Variants in NUCB2 observed in about 807,000 individuals in gnomAD.
NUCB2 encodes nucleobindin 2.
Under a neutral mutation model 57.9 loss-of-function variants are expected in NUCB2, and 48 were observed. That is an observed-to-expected ratio of 0.83 (90% CI 0.66 to 1.05). The LOEUF (loss-of-function observed/expected upper bound fraction) is 1.05. Ranked by LOEUF, NUCB2 falls within the 50% of genes least tolerant of loss-of-function variation. The pLI, the probability that NUCB2 is intolerant of heterozygous loss-of-function variation, is 0.00. For missense variants in NUCB2, 442 were observed against 476.2 expected (o/e 0.93, Z 0.67); for synonymous variants, 139 against 152.1 (o/e 0.91, Z 0.64).
intron 2 of NUCB2, among the ~76,000 whole-genome samples, chr11:17,288,950 C>CACACACACAA (rs1944414979): frequency 3.0e-5 from 1 of 33,162 alleles, no homozygotes. Flanking sequence ...CACACACACA[C>CACACACACAA]ATATATATAT....
intron 4 of NUCB2, among the ~76,000 whole-genome samples, chr11:17,298,216 C>T (rs1946152413): frequency 6.6e-6 from 1 of 150,902 alleles, no homozygotes; most frequent in African/African-American, 2.4e-5. Flanking sequence ...CCTGTCACTA[C>T]AAAAAATTAA....
chr11:17,346,356 C>A (rs548377403), intron 2 of NUCB2, among the ~76,000 whole-genome samples: 14 of 152,252 alleles, frequency 9.2e-5, no homozygotes, highest in African/African-American at 3.4e-4. Flanking sequence ...AATATGCAGA[C>A]AAGTTTGGGA....
At chr11:17,336,884 A>G (rs1431217115), downstream of NUCB2, among the ~76,000 whole-genome samples, 1 of 151,910 alleles carries the variant, frequency 6.6e-6, no homozygotes, top group Non-Finnish European at 1.5e-5. Flanking sequence ...ATAAGATTAA[A>G]TGCAAATCTT....
rs1213373664 is a variant in NUCB2, at chr11:17,301,792, A to T, written c.301A>T (p.Thr101Ser). Residue 101 changes from threonine (T) to serine (S), a missense_variant, in exon 5 of 14, where the codon ACA (threonine) becomes TCA (serine). Physicochemically the swap from Thr to Ser is moderately conservative, Grantham distance 58. Transcript: ENST00000529010. ...ELDLVSHHVRTKLDELKRQEV... is the reference protein window; with the variant it reads ...ELDLVSHHVRSKLDELKRQEV... ...GGATTTAGTAAGTCACCATGTGAGG[A>T]CAAAACTTGATGAACTGAAAAGGCA... 1 of 1,610,832 alleles carries T rather than the reference A, an allele frequency of 6.2e-7. No individual in the cohort carries two copies. The highest frequency in any genetic ancestry group is 1.1e-5 in the South Asian group (1 of 91,030).
intron 2 of NUCB2, among the ~76,000 whole-genome samples, chr11:17,338,779 T>A (rs1205723121): frequency 6.6e-6 from 1 of 151,982 alleles, no homozygotes; most frequent in Non-Finnish European, 1.5e-5. Flanking sequence ...TTCTCCTGCC[T>A]CAGTCTCCCA....
intron 4 of NUCB2, among the ~76,000 whole-genome samples, chr11:17,300,166 A>G (rs1369100046): frequency 2.0e-5 from 3 of 151,958 alleles, no homozygotes; most frequent in African/African-American, 7.3e-5. Flanking sequence ...ATGTGCCACC[A>G]CACCTGGCTA....
In NUCB2 at chr11:17,282,256, ATATT is replaced by A. The variant is rs1348829200; in HGVS notation, c.-155-531_-155-528del. ...TCTATCTATATATATATATATATAT[ATATT>A]TTTTTTTTTTTTTCCCAAGACAGAG... is the stretch of plus-strand genomic sequence containing the variant. On this transcript the variant is annotated intron_variant, in intron 1 of 13. Transcript: ENST00000529010. Among the ~76,000 whole-genome samples, 707 of 108,142 alleles carry A rather than the reference ATATT, an allele frequency of 6.5e-3. 7 individuals are homozygous for A. Among genetic ancestry groups the A allele is most frequent in the Admixed American group, 0.033 (358 of 10,972 alleles). 70.9% of individuals were successfully genotyped at this position (108,142 alleles called of 152,430 possible).
chr11:17,308,552 C>T (rs565904088), intron 5 of NUCB2, among the ~76,000 whole-genome samples: 10 of 152,208 alleles, frequency 6.6e-5, no homozygotes, highest in African/African-American at 2.4e-4. Flanking sequence ...AGCTGATTTC[C>T]AACAACTTCA....
chr11:17,315,193 A>T (rs554450646), intron 10 of NUCB2, among the ~76,000 whole-genome samples, 193 bp from the exon 11 acceptor site: 1 of 152,152 alleles, frequency 6.6e-6, no homozygotes, highest in Non-Finnish European at 1.5e-5. Context: ...GAAGAGAAAG[A>T]TGTTTATTTT....
intron 1 of NUCB2, among the ~76,000 whole-genome samples, chr11:17,282,254 A>C (rs1325306721): frequency 4.5e-4 from 49 of 107,908 alleles, no homozygotes; most frequent in African/African-American, 6.7e-4. Context: ...ATATATATAT[A>C]TATATTTTTT....
chr11:17,345,166 T>G (rs1449264402), intron 2 of NUCB2, among the ~76,000 whole-genome samples: 1 of 151,834 alleles, frequency 6.6e-6, no homozygotes, highest in Non-Finnish European at 1.5e-5. Flanking sequence ...CAGTATCTTC[T>G]GAAAAAAAAA....
intron 2 of NUCB2, among the ~76,000 whole-genome samples, chr11:17,284,849 T>C (rs938534843): frequency 2.6e-5 from 4 of 152,206 alleles, no homozygotes; most frequent in Admixed American, 2.0e-4. Context: ...TTTTAAAAAT[T>C]GCAATTGTAT....
intron 2 of NUCB2, among the ~76,000 whole-genome samples, chr11:17,348,875 G>T (rs1015364104): frequency 6.6e-6 from 1 of 151,940 alleles, no homozygotes; most frequent in Non-Finnish European, 1.5e-5. Flanking sequence ...CGCTTCCCGG[G>T]TTCAAGTGAT....
intron 4 of NUCB2, among the ~76,000 whole-genome samples, chr11:17,298,167 G>C (rs996387931): frequency 4.6e-5 from 7 of 151,292 alleles, no homozygotes; most frequent in Non-Finnish European, 7.4e-5. Flanking sequence ...ATGGCTTCTA[G>C]CCAGTAGTTT....
intron 4 of NUCB2, 88 bp downstream of exon 4, chr11:17,296,299 C>G (rs1945810826): frequency 1.6e-6 from 1 of 633,104 alleles, no homozygotes; most frequent in Non-Finnish European, 2.5e-6. Flanking sequence ...CCCAGGTTGG[C>G]CTTGAGCTCC....
Position 17,310,822 on chromosome 11 carries a change from C to T in NUCB2, c.484-3C>T, listed in dbSNP as rs1215874109. The stretch of plus-strand genomic sequence containing the variant: ...TTAACTTAAATGCATTATTGCATTT[C>T]AGGCAACAAGTGATCTGGAACACTA... On this transcript the variant is annotated splice_region_variant and splice_polypyrimidine_tract_variant and intron_variant, in intron 6 of 13. Coordinates refer to ENST00000529010, the MANE Select transcript of NUCB2 (RefSeq NM_005013.4). The T allele has an allele frequency of 2.5e-6, 4 of 1,570,240 alleles. No homozygotes were observed. Among genetic ancestry groups the T allele is most frequent in the Non-Finnish European group, 3.4e-6 (4 of 1,166,728 alleles).
chr11:17,294,357 G>C (rs1945450024), intron 2 of NUCB2, among the ~76,000 whole-genome samples: 1 of 152,114 alleles, frequency 6.6e-6, no homozygotes, highest in Non-Finnish European at 1.5e-5. Flanking sequence ...AGATGATCTT[G>C]TAAGATTTTG....
Position 17,331,856 on chromosome 11 carries a change from A to C in NUCB2, c.*437A>C, listed in dbSNP as rs1951442009. On this transcript the variant is annotated 3_prime_UTR_variant, in exon 14 of 14. Transcript: ENST00000529010. ...CCTTCTTTCAATAAATGTCTGTTTG[A>C]TATTAACAATTCTGGAAAGGCCACA... The C allele has an allele frequency of 6.5e-6, 1 of 153,874 alleles. No individual in the cohort carries two copies. Among genetic ancestry groups the C allele is most frequent in the South Asian group, 2.1e-4 (1 of 4,846 alleles). 9.5% of individuals were successfully genotyped at this position (153,874 alleles called of 1,614,324 possible). A position where few individuals can be genotyped will look rare whatever the true frequency, so the allele number is the denominator to read the frequency against.
intron 5 of NUCB2, among the ~76,000 whole-genome samples, chr11:17,306,082 G>A (rs1168290032): frequency 6.6e-6 from 1 of 152,192 alleles, no homozygotes; most frequent in East Asian, 1.9e-4. Flanking sequence ...TGACAGCACA[G>A]GTGAATTTCC....
Sources: gnomAD v4.1 joint callset for allele counts (sites outside exome capture counted in the v4.1 genomes callset) on GRCh38, gnomAD v4.1.1 for gene constraint, MANE v1.5 for transcripts, NCBI Gene and HGNC (gene_info 2026-07-23, HGNC 2026-07-21) for gene names.